Variants in PCNX1 observed in about 807,000 individuals in gnomAD.
The protein encoded by PCNX1 is pecanex 1.
In PCNX1, 78 loss-of-function variants were observed where a neutral mutation model predicts 242.2. The ratio of observed to expected loss-of-function variants is 0.32; its 90% CI spans 0.27 to 0.39. The LOEUF (loss-of-function observed/expected upper bound fraction) is 0.39, where lower values mean the gene tolerates loss of function less well. PCNX1 is among the 10% of genes least tolerant of loss of function. The pLI is 1.00. For synonymous variants in PCNX1, 1,024 were observed against 1,032.9 expected (o/e 0.99, Z 0.17); for missense variants, 2,581 against 2,856.5 (o/e 0.90, Z 2.20).
intron 1 of PCNX1, among the ~76,000 whole-genome samples, chr14:70,917,160 C>T (rs1312516910): frequency 2.6e-5 from 4 of 152,194 alleles, no homozygotes; most frequent in Admixed American, 2.0e-4. Flanking sequence ...GGGATTTCCT[C>T]CACTGAAGTC....
intron 1 of PCNX1, among the ~76,000 whole-genome samples, chr14:70,911,351 A>G (rs2055898143): frequency 7.4e-6 from 1 of 134,744 alleles, no homozygotes; most frequent in Non-Finnish European, 1.6e-5. Flanking sequence ...AGGACTTTAT[A>G]GGATTCAAAC....
At chr14:71,088,851 A>G (rs1595478713) in intron 29 of PCNX1, among the ~76,000 whole-genome samples, 3 of 152,320 alleles carry the variant, frequency 2.0e-5, no homozygotes, top group South Asian at 4.1e-4. Flanking sequence ...CCTAACATAT[A>G]CATCCAAATG....
At chr14:71,083,066 G>T (rs762811266) in intron 28 of PCNX1, among the ~76,000 whole-genome samples, 1 of 152,098 alleles carries the variant, frequency 6.6e-6, no homozygotes, top group Non-Finnish European at 1.5e-5. Flanking sequence ...AAATCTCTCA[G>T]CATTTGCTTG....
At chr14:70,989,258 G>A (rs757914335) in intron 7 of PCNX1, among the ~76,000 whole-genome samples, 1 of 151,716 alleles carries the variant, frequency 6.6e-6, no homozygotes, top group Non-Finnish European at 1.5e-5. Context: ...TATGTAAAGT[G>A]TGGTCAATTG....
intron 6 of PCNX1, among the ~76,000 whole-genome samples, chr14:70,979,256 T>G (rs1168525404): frequency 1.3e-5 from 2 of 152,190 alleles, no homozygotes; most frequent in Admixed American, 6.5e-5. Context: ...AATTCAGATT[T>G]GTAGTTTATA....
chr14:70,949,783 A>G (rs1297381995), intron 2 of PCNX1, among the ~76,000 whole-genome samples: 4 of 152,166 alleles, frequency 2.6e-5, no homozygotes, highest in African/African-American at 9.6e-5. Flanking sequence ...TGTCTACTTT[A>G]TTCATAGTCA....
Position 71,108,908 on chromosome 14 carries a change from C to G in PCNX1, c.6606C>G (p.Ala2202=), listed in dbSNP as rs1266710702. Residue 2202 remains alanine, a synonymous_variant, in exon 34 of 36, where the codon GCC becomes GCG. Coordinates refer to ENST00000304743, the MANE Select transcript of PCNX1 (RefSeq NM_014982.3). ...SSSSSSQSIP[A]CKHHTLVGFL... ...GCAGCTCCAGCCAAAGCATCCCAGC[C>G]TGCAAACATCACACTCTCGTGGGCT... The G allele has an allele frequency of 1.2e-6, 2 of 1,614,144 alleles. No individual in the cohort carries two copies. The highest frequency in any genetic ancestry group is 1.7e-6 in the Non-Finnish European group (2 of 1,180,054).
At chr14:71,020,753 C>G (rs1339328712) in intron 12 of PCNX1, among the ~76,000 whole-genome samples, 1 of 152,154 alleles carries the variant, frequency 6.6e-6, no homozygotes, top group Non-Finnish European at 1.5e-5. Flanking sequence ...TGTACAGAAG[C>G]TCTTTAGTTT....
At position 71,115,338 on chromosome 14, in the gene PCNX1, G is replaced by C. The variant is rs967596376; in HGVS notation, c.*5403G>C. The C allele has an allele frequency of 1.3e-5, 2 of 152,620 alleles. No homozygotes were observed. Among genetic ancestry groups the C allele is most frequent in the Non-Finnish European group, 2.9e-5 (2 of 68,036 alleles). 9.5% of individuals were successfully genotyped at this position (152,620 alleles called of 1,614,324 possible). ...TATATTGCATCAAAAATACAGTATT[G>C]ACAGTGGATAAAACACTGAGGAAAT... is the stretch of plus-strand genomic sequence containing the variant. On this transcript the variant is annotated 3_prime_UTR_variant, in exon 36 of 36. Coordinates refer to ENST00000304743, the MANE Select transcript of PCNX1 (RefSeq NM_014982.3).
chr14:71,006,714 C>T (rs7144986), intron 8 of PCNX1, among the ~76,000 whole-genome samples: 84,199 of 152,026 alleles, frequency 0.55, 24,642 homozygotes, highest in East Asian at 0.73. Flanking sequence ...ACGTAATCTT[C>T]ATAAACCAAT....
intron 1 of PCNX1, among the ~76,000 whole-genome samples, chr14:70,941,537 C>T (rs1209604372): frequency 1.3e-5 from 2 of 152,136 alleles, no homozygotes; most frequent in Non-Finnish European, 2.9e-5. Flanking sequence ...GTCAGTCGAC[C>T]CGTACTGGGA....
rs1359015912 is a variant in PCNX1 at position 71,110,924 on chromosome 14, A to G, written c.*989A>G. 6.6e-6 allele frequency: 1 copy of G among 152,632 alleles called. No homozygotes were observed. The highest frequency in any genetic ancestry group is 6.5e-5 in the Admixed American group (1 of 15,286). The allele number at this position is 152,632 out of a possible 1,614,324, so 9.5% of individuals were successfully genotyped here. A position where few individuals can be genotyped will look rare whatever the true frequency, so the allele number is the denominator to read the frequency against. On this transcript the variant is annotated 3_prime_UTR_variant, in exon 36 of 36. Transcript: ENST00000304743. ...GTCCAGGAATTTAAAGAAAGGATCG[A>G]TTGCCTTTTATTTATGAGTTTCTAG...
intron 16 of PCNX1, chr14:71,032,062 A>G (rs1221336910): frequency 1.4e-6 from 1 of 697,040 alleles, no homozygotes; most frequent in East Asian, 2.7e-5. Context: ...TAGACAAAGA[A>G]GAAGAGAGAG....
chr14:71,090,022 A>G (rs557105283), intron 30 of PCNX1, among the ~76,000 whole-genome samples: 1 of 152,204 alleles, frequency 6.6e-6, no homozygotes, highest in Non-Finnish European at 1.5e-5. Context: ...TTTTGACTTC[A>G]TATTATTGCA....
In PCNX1 at chr14:71,112,665, TTC is replaced by T. The variant is rs1246380520; in HGVS notation, c.*2734_*2735del. ...GAGAATAGTGAGTGACTCGTTTAGA[TTC>T]TCTGCTTTTTTTCAGTTATGTACAA... On this transcript the variant is annotated 3_prime_UTR_variant, in exon 36 of 36. Coordinates refer to ENST00000304743, the MANE Select transcript of PCNX1 (RefSeq NM_014982.3). The T allele has an allele frequency of 7.9e-5, 12 of 152,126 alleles. No individual in the cohort carries two copies. The highest frequency in any genetic ancestry group is 1.8e-4 in the Non-Finnish European group (12 of 67,976). The allele number at this position is 152,126 out of a possible 1,614,324, so 9.4% of individuals were successfully genotyped here. A position where few individuals can be genotyped will look rare whatever the true frequency, so the allele number is the denominator to read the frequency against.
At chr14:70,944,924 C>T (rs2057399636) in intron 1 of PCNX1, among the ~76,000 whole-genome samples, 1 of 152,196 alleles carries the variant, frequency 6.6e-6, no homozygotes, top group Non-Finnish European at 1.5e-5. Context: ...TTGTAAGTTT[C>T]CTGAGGCCTC....
chr14:71,051,775 C>T (rs2061042462), intron 23 of PCNX1, 108 bp from the exon 24 acceptor site: 1 of 1,016,254 alleles, frequency 9.8e-7, no homozygotes, highest in Non-Finnish European at 1.5e-6. Flanking sequence ...TGGTGAACCT[C>T]AGTTCTCTAA....
In PCNX1 at chr14:70,977,068, G is replaced by A. The variant is rs2140114611; in HGVS notation, c.731G>A (p.Ser244Asn). Residue 244 changes from serine (S) to asparagine (N), a missense_variant, in exon 6 of 36, where the codon AGT (serine) becomes AAT (asparagine). Around this residue, in one of 9 missense-constraint regions of PCNX1, gnomAD observed 1,204 missense variants for 1,216.7 expected, o/e 0.99. Transcript: ENST00000304743. ...RDFSDKVNLP[S>N]HNHHHHVDQS... Reference sequence around the variant, plus strand: ...TTCAGTGACAAAGTGAACCTGCCAAGTCATAACCACCACCACCATGTTGAT... The same window carrying A: ...TTCAGTGACAAAGTGAACCTGCCAAATCATAACCACCACCACCATGTTGAT... 1 of 1,614,160 alleles carries A rather than the reference G, an allele frequency of 6.2e-7. No individual in the cohort carries two copies. The highest frequency in any genetic ancestry group is 1.1e-5 in the South Asian group (1 of 91,084).
chr14:70,907,995 C>G lies in PCNX1; in HGVS notation c.145C>G (p.Leu49Val). 2 of 1,593,160 alleles carry G rather than the reference C, an allele frequency of 1.3e-6. No individual in the cohort carries two copies. The highest frequency in any genetic ancestry group is 2.2e-5 in the South Asian group (2 of 88,938). ...CTTTCTGCTGGGCCTGCCCTTCACC[C>G]TCTACATGGTGAGTGTGGGGGCGGG... ...WLFLLGLPFTLYMALPSTMII... is the reference protein window; with the variant it reads ...WLFLLGLPFTVYMALPSTMII... The change falls in exon 1 of 36, where the codon CTC becomes GTC. Residue 49 changes from leucine to valine, a missense_variant. By Grantham distance (32) the Leu-to-Val change is conservative (BLOSUM62 1). Transcript: ENST00000304743.
Sources: allele counts gnomAD v4.1 joint callset (sites outside exome capture counted in the v4.1 genomes callset), GRCh38; gene constraint gnomAD v4.1.1; regional missense constraint gnomAD v4.1.1; transcripts MANE v1.5; gene names NCBI Gene and HGNC (gene_info 2026-07-23, HGNC 2026-07-21).